The following STX8 variants were observed in gnomAD, a reference collection of about 807,000 sequenced individuals.
The protein encoded by STX8 is syntaxin-8.
STX8 carries 23 observed loss-of-function variants against 37.5 expected under a neutral mutation model. The ratio of observed to expected loss-of-function variants is 0.61; its 90% confidence interval spans 0.44 to 0.87. The LOEUF (loss-of-function observed/expected upper bound fraction) is 0.87. Among genes scored for constraint, STX8 ranks in the 40% least tolerant of loss-of-function variants. The pLI, the probability that STX8 is intolerant of heterozygous loss-of-function variation, is 0.00. For missense variants in STX8, 313 were observed against 284.7 expected, an observed-to-expected ratio of 1.10 and a Z score of -0.71; for synonymous variants, 115 against 99.1, an observed-to-expected ratio of 1.16 and a Z score of -0.95.
intron 6 of STX8, among the ~76,000 whole-genome samples, chr17:9,470,945 G>C (rs1905826622): frequency 1.3e-5 from 2 of 150,800 alleles, no homozygotes; most frequent in South Asian, 4.2e-4. Context: ...GTGTTAGCCA[G>C]GATGGTCTCA....
chr17:9,415,394 C>T (rs915054153), intron 6 of STX8, among the ~76,000 whole-genome samples: 1 of 152,152 alleles, frequency 6.6e-6, no homozygotes, highest in African/African-American at 2.4e-5. Context: ...TATCTGTAGC[C>T]TCAAATAAGG....
At chr17:9,527,065 G>A (rs2061963457) in intron 4 of STX8, among the ~76,000 whole-genome samples, 1 of 148,028 alleles carries the variant, frequency 6.8e-6, no homozygotes, top group South Asian at 2.2e-4. Context: ...TGTAGTCCCA[G>A]CTACTCGGGA....
At chr17:9,347,398 T>C (rs1326351160) in intron 7 of STX8, among the ~76,000 whole-genome samples, 1 of 152,222 alleles carries the variant, frequency 6.6e-6, no homozygotes, top group Non-Finnish European at 1.5e-5. Context: ...GCTTTTTTCC[T>C]TTTTAAAAAT....
chr17:9,272,276 C>G (rs1479946396), intron 7 of STX8, among the ~76,000 whole-genome samples: 1 of 152,230 alleles, frequency 6.6e-6, no homozygotes, highest in Non-Finnish European at 1.5e-5. Context: ...CACAGATGGC[C>G]TTGGCCACTA....
At position 9,555,890 on chromosome 17, in the gene STX8, C is replaced by T. The variant is rs1409295876; in HGVS notation, c.212+1544G>A. 1.0e-3 allele frequency among the ~76,000 whole-genome samples: 143 copies of T among 143,630 alleles called. 1 individual carries two copies. Among genetic ancestry groups the T allele is most frequent in the African/African-American group, 1.1e-4 (4 of 37,134 alleles). 94.2% of individuals were successfully genotyped at this position (143,630 alleles called of 152,430 possible). On this transcript the variant is annotated intron_variant, in intron 3 of 7. Transcript: ENST00000306357. ...CAGCCTGGGCAACAGAGCAAGACTC[C>T]GTCTCAAAAAAAAAAAAAAAAATTA... is the stretch of plus-strand genomic sequence containing the variant.
intron 4 of STX8, among the ~76,000 whole-genome samples, chr17:9,541,461 A>G (rs1226049035): frequency 6.6e-6 from 1 of 152,238 alleles, no homozygotes; most frequent in African/African-American, 2.4e-5. Flanking sequence ...ACAATGCTCC[A>G]GTAATAACAT....
At chr17:9,261,860 G>C (rs1022535981) in intron 7 of STX8, among the ~76,000 whole-genome samples, 2 of 152,158 alleles carry the variant, frequency 1.3e-5, no homozygotes, top group Non-Finnish European at 2.9e-5. Flanking sequence ...CTGGAGTCTG[G>C]CAGAAATTCA....
intron 6 of STX8, among the ~76,000 whole-genome samples, chr17:9,490,440 CG>C (rs1168045133): frequency 6.6e-6 from 1 of 152,112 alleles, no homozygotes; most frequent in Non-Finnish European, 1.5e-5. Context: ...GGTACAATCT[CG>C]GCTCACCACA....
intron 7 of STX8, among the ~76,000 whole-genome samples, chr17:9,310,579 G>A (rs541577244): frequency 6.6e-6 from 1 of 152,292 alleles, no homozygotes; most frequent in African/African-American, 2.4e-5. Flanking sequence ...AGCTGCTTTT[G>A]TATGTGAGCA....
chr17:9,274,714 TA>T (rs1231047442), intron 7 of STX8, among the ~76,000 whole-genome samples: 969 of 84,990 alleles, frequency 0.011, 13 homozygotes, highest in South Asian at 0.029. Flanking sequence ...ATAATAATAA[TA>T]AACAAAGTCT....
chr17:9,474,928 T>C (rs1466369062), intron 6 of STX8, among the ~76,000 whole-genome samples: 2 of 152,114 alleles, frequency 1.3e-5, no homozygotes, highest in Non-Finnish European at 2.9e-5. Context: ...GCTGATATCA[T>C]GCCACTGCAC....
At chr17:9,325,600 T>A (rs1477198520) in intron 7 of STX8, among the ~76,000 whole-genome samples, 1 of 152,252 alleles carries the variant, frequency 6.6e-6, no homozygotes, top group East Asian at 1.9e-4. Context: ...CATTTTGCGA[T>A]GGGCTGCGCG....
chr17:9,309,163 T>A (rs1311321575), intron 7 of STX8, among the ~76,000 whole-genome samples: 1 of 152,158 alleles, frequency 6.6e-6, no homozygotes, highest in Non-Finnish European at 1.5e-5. Flanking sequence ...CAGAGCTCTT[T>A]GCAAAACTGT....
chr17:9,375,606 G>A (rs993299575), intron 7 of STX8, among the ~76,000 whole-genome samples: 1 of 152,124 alleles, frequency 6.6e-6, no homozygotes, highest in Non-Finnish European at 1.5e-5. Flanking sequence ...GCTAATACCA[G>A]TACTTGCTCA....
intron 7 of STX8, among the ~76,000 whole-genome samples, chr17:9,290,172 G>A (rs902052247): frequency 6.6e-6 from 1 of 152,176 alleles, no homozygotes; most frequent in Non-Finnish European, 1.5e-5. Flanking sequence ...TTTGGAGAGT[G>A]GGGTGTAGGG....
At chr17:9,332,288 G>A (rs1378697428) in intron 7 of STX8, among the ~76,000 whole-genome samples, 2 of 152,186 alleles carry the variant, frequency 1.3e-5, no homozygotes, top group African/African-American at 4.8e-5. Flanking sequence ...TGGAGTCAGG[G>A]AGAATGACTC....
At chr17:9,273,027 A>C (rs1043550781) in intron 7 of STX8, among the ~76,000 whole-genome samples, 1 of 152,228 alleles carries the variant, frequency 6.6e-6, no homozygotes. Context: ...AATCAAACTT[A>C]ACAACAACAA....
intron 5 of STX8, among the ~76,000 whole-genome samples, chr17:9,502,762 A>G (rs569405587): frequency 2.0e-4 from 31 of 152,296 alleles, no homozygotes; most frequent in Middle Eastern, 6.8e-3. Flanking sequence ...GAATGGATAC[A>G]CAGATTGTGG....
At chr17:9,496,248 G>C (rs1304432647) in intron 5 of STX8, among the ~76,000 whole-genome samples, 1 of 152,142 alleles carries the variant, frequency 6.6e-6, no homozygotes, top group Non-Finnish European at 1.5e-5. Context: ...GCTAATTTTT[G>C]TATTTTTAGT....
Sources: gnomAD v4.1 joint callset for allele counts (sites outside exome capture counted in the v4.1 genomes callset) on GRCh38, gnomAD v4.1.1 for gene constraint, MANE v1.5 for transcripts, NCBI Gene and HGNC (gene_info 2026-07-23, HGNC 2026-07-21) for gene names.